Variants in SH3PXD2A observed in about 807,000 individuals in gnomAD.
SH3PXD2A encodes SH3 and PX domains 2A.
Under a neutral mutation model 115.2 loss-of-function variants are expected in SH3PXD2A, and 32 were observed. That is an observed-to-expected ratio of 0.28 (90% confidence interval 0.21 to 0.37). SH3PXD2A has a LOEUF of 0.37. Among genes scored for constraint, SH3PXD2A ranks in the 10% least tolerant of loss-of-function variants. The pLI is 1.00. For missense variants in SH3PXD2A, 1,328 were observed against 1,498.7 expected (o/e 0.89, Z 1.88); for synonymous variants, 610 against 629.1 (o/e 0.97, Z 0.45).
At chr10:103,642,718 A>C (rs1373140535) in intron 8 of SH3PXD2A, among the ~76,000 whole-genome samples, 1 of 152,210 alleles carries the variant, frequency 6.6e-6, no homozygotes, top group Non-Finnish European at 1.5e-5. Context: ...TAATAGATCT[A>C]TTTGCAGCCT....
chr10:103,666,326 C>A lies in SH3PXD2A; in HGVS notation c.472+2282G>T, dbSNP rs1274610623. Among the ~76,000 whole-genome samples, 1 of 152,188 alleles carries A rather than the reference C, an allele frequency of 6.6e-6. No individual in the cohort carries two copies. The highest frequency in any genetic ancestry group is 1.5e-5 in the Non-Finnish European group (1 of 68,036). On this transcript the variant is annotated intron_variant, in intron 7 of 14. Transcript: ENST00000369774. The surrounding 1 kb of genome is among the most constrained non-coding windows in gnomAD (Gnocchi z 4.5). Reference sequence around the variant, plus strand: ...CAAGTCTGTGCTCTAGCTGCTGCCCCCTGCTGGAATGCTTTCCCTTCTCTC... The same window carrying A: ...CAAGTCTGTGCTCTAGCTGCTGCCCACTGCTGGAATGCTTTCCCTTCTCTC...
chr10:103,847,705 G>C (rs1182285336), intron 1 of SH3PXD2A, among the ~76,000 whole-genome samples: 1 of 152,158 alleles, frequency 6.6e-6, no homozygotes, highest in Non-Finnish European at 1.5e-5. Context: ...TTGGGAGGCT[G>C]AGGCGAGTGG....
chr10:103,603,603 T>C lies in SH3PXD2A; in HGVS notation c.1615A>G (p.Thr539Ala), dbSNP rs975966157. ...GAGTCCTGGCTCTCACTGGCCCCCG[T>C]AGGGCCCTCCTCGGCCTCCTTGGGC... ...SKPKEAEEGP[T>A]GASESQDSPR... Residue 539 changes from threonine to alanine, a missense_variant, in exon 15 of 15, where the codon ACG becomes GCG. Transcript: ENST00000369774. 1.1e-5 allele frequency: 17 copies of C among 1,606,348 alleles called. No individual in the cohort carries two copies. Among genetic ancestry groups the C allele is most frequent in the Non-Finnish European group, 1.4e-5 (16 of 1,176,308 alleles).
intron 8 of SH3PXD2A, among the ~76,000 whole-genome samples, chr10:103,636,388 G>A (rs1192154054): frequency 6.7e-6 from 1 of 148,354 alleles, no homozygotes; most frequent in African/African-American, 2.5e-5. Flanking sequence ...CAGCCTGGGT[G>A]ACAGAGCGAG....
chr10:103,712,261 TG>T (rs1179781366), intron 5 of SH3PXD2A, among the ~76,000 whole-genome samples: 2 of 152,218 alleles, frequency 1.3e-5, no homozygotes, highest in African/African-American at 4.8e-5. Flanking sequence ...ACTCTCCCTC[TG>T]GCTCTGACCA....
intron 3 of SH3PXD2A, among the ~76,000 whole-genome samples, chr10:103,744,043 C>A (rs532820782): frequency 4.3e-4 from 66 of 152,308 alleles, no homozygotes; most frequent in Admixed American, 1.2e-3. Context: ...TGAAAGCTGG[C>A]CCTGCTCTTG....
intron 8 of SH3PXD2A, among the ~76,000 whole-genome samples, chr10:103,629,283 C>T (rs1259485250): frequency 6.6e-6 from 1 of 152,224 alleles, no homozygotes; most frequent in Non-Finnish European, 1.5e-5. Flanking sequence ...GGTGCTGGAA[C>T]CCACTAGTTG....
At chr10:103,771,496 A>G (rs1159067865) in intron 2 of SH3PXD2A, among the ~76,000 whole-genome samples, 5 of 152,108 alleles carry the variant, frequency 3.3e-5, no homozygotes, top group Non-Finnish European at 7.4e-5. Context: ...TCACGCCTAT[A>G]ATCCCAGCAC....
At chr10:103,688,902 T>C (rs2037713162) in intron 6 of SH3PXD2A, among the ~76,000 whole-genome samples, 1 of 151,332 alleles carries the variant, frequency 6.6e-6, no homozygotes. Flanking sequence ...GGTCTCTCTC[T>C]GTTGCCCAGG....
At chr10:103,791,753 C>A (rs2039038783) in intron 2 of SH3PXD2A, among the ~76,000 whole-genome samples, 1 of 151,970 alleles carries the variant, frequency 6.6e-6, no homozygotes, top group South Asian at 2.1e-4. Context: ...TTCCTAAACC[C>A]ACAAGGTTGG....
At chr10:103,613,308 G>A in intron 11 of SH3PXD2A, 118 bp from the exon 12 acceptor site, 1 of 748,516 alleles carries the variant, frequency 1.3e-6, no homozygotes, top group East Asian at 2.7e-5. Context: ...GTTCTGCAAG[G>A]CTTGGCAATC....
intron 1 of SH3PXD2A, among the ~76,000 whole-genome samples, chr10:103,843,317 T>A (rs1183848467): frequency 1.3e-5 from 2 of 152,114 alleles, no homozygotes; most frequent in Non-Finnish European, 2.9e-5. Context: ...GGCACCCAAG[T>A]CCCTCTCTTA....
intron 8 of SH3PXD2A, among the ~76,000 whole-genome samples, chr10:103,650,521 C>T (rs2037103358): frequency 6.6e-6 from 1 of 152,206 alleles, no homozygotes; most frequent in South Asian, 2.1e-4. Flanking sequence ...CACACCTGTC[C>T]ACCTGTCCAC....
chr10:103,825,219 C>G (rs2039418538), intron 1 of SH3PXD2A, among the ~76,000 whole-genome samples: 1 of 152,156 alleles, frequency 6.6e-6, no homozygotes, highest in Admixed American at 6.5e-5. Context: ...CAACCCCAAC[C>G]CTGACACCTC....
intron 1 of SH3PXD2A, among the ~76,000 whole-genome samples, chr10:103,815,896 AAAAAAG>A (rs1038279206): frequency 5.3e-5 from 8 of 152,086 alleles, no homozygotes; most frequent in East Asian, 1.9e-4. Context: ...CTCAAAAAAA[AAAAAAG>A]AAAAAGAAAA....
chr10:103,785,833 C>T (rs1170427966), intron 2 of SH3PXD2A, among the ~76,000 whole-genome samples: 3 of 151,404 alleles, frequency 2.0e-5, no homozygotes, highest in African/African-American at 7.3e-5. Flanking sequence ...GGGATGCGGC[C>T]GCATCCTGGG....
intron 6 of SH3PXD2A, 113 bp from the exon 7 acceptor site, chr10:103,668,765 C>A (rs531871855): frequency 1.0e-6 from 1 of 962,026 alleles, no homozygotes; most frequent in Non-Finnish European, 1.6e-6. Context: ...CTCGGCCAGC[C>A]GCGGGCGGAA....
At position 103,828,186 on chromosome 10, in the gene SH3PXD2A, C is replaced by T. The variant is rs140839420; in HGVS notation, c.73-26824G>A. On this transcript the variant is annotated intron_variant, in intron 1 of 14. Coordinates refer to ENST00000369774, the MANE Select transcript of SH3PXD2A (RefSeq NM_001394015.1). ...AGGTAGCCAGACTCTAGGCAGGAAG[C>T]GAATGCTTACGCTAGGGAGAGAAAG... 8.1e-4 allele frequency among the ~76,000 whole-genome samples: 124 copies of T among 152,268 alleles called. 1 individual carries two copies. The highest frequency in any genetic ancestry group is 3.4e-3 in the Middle Eastern group (1 of 294).
At chr10:103,739,370 T>C (rs1001343722) in intron 3 of SH3PXD2A, among the ~76,000 whole-genome samples, 3 of 152,168 alleles carry the variant, frequency 2.0e-5, no homozygotes, top group Non-Finnish European at 4.4e-5. Flanking sequence ...GGAAGCCCAA[T>C]GGGGCTTCCC....
Sources: allele counts gnomAD v4.1 joint callset (sites outside exome capture counted in the v4.1 genomes callset), GRCh38; gene constraint gnomAD v4.1.1; non-coding constraint Gnocchi (gnomAD v3.1); transcripts MANE v1.5; gene names NCBI Gene and HGNC (gene_info 2026-07-23, HGNC 2026-07-21).